Variants in MYO10 observed in about 807,000 individuals in gnomAD.
The protein encoded by MYO10 is myosin X, also known as unconventional myosin-X.
MYO10 carries 133 observed loss-of-function variants against 257.3 expected under a neutral mutation model. That is an observed-to-expected ratio of 0.52 (90% CI 0.45 to 0.60). MYO10 has a LOEUF of 0.60. MYO10 is among the 20% of genes least tolerant of loss of function. The probability of loss-of-function intolerance (pLI) is 0.00; values close to 1 mark genes in which losing one functional copy is unlikely to be tolerated. For missense variants in MYO10, 2,399 were observed against 2,635.7 expected (o/e 0.91, Z 1.97); for synonymous variants, 1,104 against 1,028.6 (o/e 1.07, Z -1.40).
chr5:16,761,587 A>G, intron 16 of MYO10, 41 bp from the exon 17 acceptor site: 1 of 1,479,468 alleles, frequency 6.8e-7, no homozygotes, highest in East Asian at 2.3e-5. Flanking sequence ...TGATTGAAAG[A>G]ATAGTTTCAG....
rs1741475889 is a variant in MYO10, at chr5:16,783,262, A to G, written c.602+73T>C. 5 of 1,407,694 alleles carry G rather than the reference A, an allele frequency of 3.6e-6. No homozygotes were observed. The South Asian group carries it at 7.0e-5, about 20-fold the overall frequency. 87.2% of individuals were successfully genotyped at this position (1,407,694 alleles called of 1,614,324 possible). ...AGAGAAACGCGACCAACTAATTTTA[A>G]CTCTTCTTTAAATAAGCCATACCAT... On this transcript the variant is annotated intron_variant, in intron 5 of 40. Transcript: ENST00000513610.
intron 1 of MYO10, among the ~76,000 whole-genome samples, chr5:16,909,505 CAA>C (rs36053061): frequency 1.4e-3 from 150 of 107,528 alleles, no homozygotes; most frequent in Middle Eastern, 0.012. Context: ...AACTCCAACT[CAA>C]AAAAAAAAAA....
intron 1 of MYO10, among the ~76,000 whole-genome samples, chr5:16,881,581 G>A (rs186038548): frequency 2.1e-4 from 32 of 152,310 alleles, no homozygotes; most frequent in Non-Finnish European, 3.7e-4. Flanking sequence ...CAGGTGGGAA[G>A]GGAAATGCAT....
At chr5:16,703,191 T>C (rs1410600374) in intron 22 of MYO10, 33 bp from the exon 23 acceptor site, 1 of 1,509,254 alleles carries the variant, frequency 6.6e-7, no homozygotes, top group Non-Finnish European at 9.1e-7. Flanking sequence ...GAATCGGCAT[T>C]GAAGTAATGA....
At chr5:16,835,324 G>C (rs907063843) in intron 2 of MYO10, among the ~76,000 whole-genome samples, 4 of 151,886 alleles carry the variant, frequency 2.6e-5, no homozygotes, top group African/African-American at 9.7e-5. Flanking sequence ...CCTGAGGTCA[G>C]GAGTTCGAGA....
chr5:16,790,998 A>G (rs1741734639), intron 4 of MYO10, among the ~76,000 whole-genome samples: 1 of 152,020 alleles, frequency 6.6e-6, no homozygotes, highest in African/African-American at 2.4e-5. Context: ...TTAAAACTAG[A>G]CCTTAAGAGA....
At chr5:16,717,816 C>T (rs546139032) in intron 19 of MYO10, among the ~76,000 whole-genome samples, 5 of 152,338 alleles carry the variant, frequency 3.3e-5, no homozygotes, top group Admixed American at 6.5e-5. Flanking sequence ...CACTTGCTCT[C>T]GGCACCTCCC....
At chr5:16,769,817 C>A (rs1740991278) in intron 9 of MYO10, among the ~76,000 whole-genome samples, 1 of 152,156 alleles carries the variant, frequency 6.6e-6, no homozygotes, top group South Asian at 2.1e-4. Context: ...GTCATGACAA[C>A]AATAAAGAAA....
chr5:16,893,657 A>C (rs1745136536), intron 1 of MYO10, among the ~76,000 whole-genome samples: 1 of 151,170 alleles, frequency 6.6e-6, no homozygotes, highest in South Asian at 2.1e-4. Flanking sequence ...AAAAAAGAAA[A>C]TTATTTCCCT....
At chr5:16,744,572 T>C (rs992478446) in intron 19 of MYO10, among the ~76,000 whole-genome samples, 9 of 152,150 alleles carry the variant, frequency 5.9e-5, no homozygotes, top group African/African-American at 2.2e-4. Context: ...GGCGCAGGGC[T>C]TCCTGTGCCC....
intron 3 of MYO10, among the ~76,000 whole-genome samples, chr5:16,801,510 C>G (rs1742120382): frequency 6.6e-6 from 1 of 152,122 alleles, no homozygotes; most frequent in Non-Finnish European, 1.5e-5. Flanking sequence ...CCATGCCTGG[C>G]TAAGATCATA....
chr5:16,779,467 T>G (rs576030905), intron 9 of MYO10, 78 bp downstream of exon 9: 2 of 856,154 alleles, frequency 2.3e-6, no homozygotes, highest in African/African-American at 3.5e-5. Context: ...AAAAATCTTT[T>G]GAAACCGAAA....
At chr5:16,847,783 GGCT>G (rs1264758350) in intron 2 of MYO10, among the ~76,000 whole-genome samples, 1 of 152,160 alleles carries the variant, frequency 6.6e-6, no homozygotes, top group Non-Finnish European at 1.5e-5. Context: ...CTACTCAAGA[GGCT>G]GATGCAGGAG....
chr5:16,747,925 A>AAAAAAAAAAAAAAAAAAAAAAG (rs1440148315), intron 19 of MYO10, among the ~76,000 whole-genome samples: 1 of 120,430 alleles, frequency 8.3e-6, no homozygotes, highest in African/African-American at 6.0e-5. Context: ...TCTCAAAAAA[A>AAAAAAAAAAAAAAAAAAAAAAG]AAAAAAAAAA....
chr5:16,803,626 C>T (rs968135824), intron 3 of MYO10, among the ~76,000 whole-genome samples: 9 of 151,992 alleles, frequency 5.9e-5, no homozygotes, highest in African/African-American at 2.2e-4. Flanking sequence ...AATGAACTCC[C>T]ACAAACCAAC....
chr5:16,866,303 T>G (rs1222795192), intron 2 of MYO10, among the ~76,000 whole-genome samples: 1 of 152,156 alleles, frequency 6.6e-6, no homozygotes, highest in Admixed American at 6.5e-5. Context: ...GCCTCTCAAC[T>G]GGACTGCGGA....
chr5:16,760,956 T>C (rs1199567761), intron 17 of MYO10, among the ~76,000 whole-genome samples: 1 of 146,984 alleles, frequency 6.8e-6, no homozygotes, highest in African/African-American at 2.7e-5. Context: ...ATGGCAGTCA[T>C]TGCTTATATT....
intron 19 of MYO10, among the ~76,000 whole-genome samples, chr5:16,722,803 G>GTTCCCTTAACA (rs1739201372): frequency 6.6e-6 from 1 of 152,114 alleles, no homozygotes; most frequent in African/African-American, 2.4e-5. Context: ...ACAAAAGAAT[G>GTTCCCTTAACA]TTCCCTTAAG....
At chr5:16,798,887 T>C (rs1436779348) in intron 3 of MYO10, among the ~76,000 whole-genome samples, 1 of 152,058 alleles carries the variant, frequency 6.6e-6, no homozygotes, top group African/African-American at 2.4e-5. Flanking sequence ...TCTTCCTCAG[T>C]TGCAAGCAGA....
Sources: gnomAD v4.1 joint callset for allele counts (sites outside exome capture counted in the v4.1 genomes callset) on GRCh38, gnomAD v4.1.1 for gene constraint, MANE v1.5 for transcripts, NCBI Gene and HGNC (gene_info 2026-07-23, HGNC 2026-07-21) for gene names.